COX7B2: variants seen among roughly 807,000 people sequenced by gnomAD.
COX7B2 encodes the protein cytochrome c oxidase subunit 7B2, also known as cytochrome c oxidase subunit 7B2, mitochondrial.
For synonymous variants in COX7B2, 37 were observed against 32.1 expected, an observed-to-expected ratio of 1.15 and a Z score of -0.51; for missense variants, 109 against 95.9, an observed-to-expected ratio of 1.14 and a Z score of -0.57.
intron 1 of COX7B2, among the ~76,000 whole-genome samples, chr4:46,894,143 C>A (rs184033805): frequency 2.6e-5 from 4 of 152,250 alleles, no homozygotes; most frequent in Admixed American, 6.5e-5. Context: ...CAATGTTCTT[C>A]ACAGAACTAG....
intron 2 of COX7B2, among the ~76,000 whole-genome samples, chr4:46,759,100 T>A (rs1188766851): frequency 6.6e-6 from 1 of 152,026 alleles, no homozygotes; most frequent in Non-Finnish European, 1.5e-5. Context: ...TCTAGACCCA[T>A]AGAATTAAAT....
chr4:46,755,667 G>A (rs540770443), intron 2 of COX7B2, among the ~76,000 whole-genome samples: 1 of 152,028 alleles, frequency 6.6e-6, no homozygotes, highest in South Asian at 2.1e-4. Flanking sequence ...TTCTATACAC[G>A]AATAATAATC....
intron 2 of COX7B2, among the ~76,000 whole-genome samples, chr4:46,776,343 A>G (rs1411345465): frequency 6.6e-6 from 1 of 151,650 alleles, no homozygotes; most frequent in Non-Finnish European, 1.5e-5. Flanking sequence ...ACTATATCCT[A>G]ATGGCCATAA....
chr4:46,739,388 T>C (rs955437791), intron 2 of COX7B2, among the ~76,000 whole-genome samples: 11 of 152,086 alleles, frequency 7.2e-5, no homozygotes, highest in African/African-American at 2.4e-4. Context: ...TTACCAGAGA[T>C]GGCTCTTTAA....
chr4:46,824,593 T>C (rs1230264499), intron 2 of COX7B2, among the ~76,000 whole-genome samples: 1 of 150,150 alleles, frequency 6.7e-6, no homozygotes, highest in Non-Finnish European at 1.5e-5. Flanking sequence ...TACTCAAAAA[T>C]GAAGTTCAAC....
intron 1 of COX7B2, among the ~76,000 whole-genome samples, chr4:46,880,559 G>A (rs1718651658): frequency 6.6e-6 from 1 of 151,406 alleles, no homozygotes; most frequent in African/African-American, 2.4e-5. Context: ...ATCTCTTCTA[G>A]GTTTTCTAGT....
chr4:46,892,361 A>T (rs2109873776), intron 1 of COX7B2, among the ~76,000 whole-genome samples: 1 of 152,330 alleles, frequency 6.6e-6, no homozygotes, highest in East Asian at 1.9e-4. Flanking sequence ...ACATGTTTTG[A>T]ATCACTGTCA....
intron 1 of COX7B2, among the ~76,000 whole-genome samples, chr4:46,901,125 T>C (rs1325026120): frequency 6.6e-6 from 1 of 152,220 alleles, no homozygotes; most frequent in Non-Finnish European, 1.5e-5. Flanking sequence ...AGAAAAAGCA[T>C]ATGTAACATT....
intron 2 of COX7B2, among the ~76,000 whole-genome samples, chr4:46,812,563 C>G (rs1054886830): frequency 1.3e-5 from 2 of 152,014 alleles, no homozygotes; most frequent in South Asian, 4.1e-4. Context: ...GGTATAGCAG[C>G]AAGGATGTAA....
chr4:46,888,698 G>A (rs1314480989), intron 1 of COX7B2, among the ~76,000 whole-genome samples: 3 of 152,054 alleles, frequency 2.0e-5, no homozygotes, highest in South Asian at 2.1e-4. Context: ...CTCCCGCCTC[G>A]GCCTCCCAAG....
At chr4:46,797,092 T>TAAAAAAAAAAA (rs762801656) in intron 2 of COX7B2, among the ~76,000 whole-genome samples, 5 of 62,560 alleles carry the variant, frequency 8.0e-5, no homozygotes, top group African/African-American at 1.8e-4. Context: ...TAGAGTATAA[T>TAAAAAAAAAAA]AAAAAAAAAA....
chr4:46,817,191 T>C (rs1719599235), intron 2 of COX7B2, among the ~76,000 whole-genome samples: 1 of 152,234 alleles, frequency 6.6e-6, no homozygotes, highest in Admixed American at 6.5e-5. Context: ...GGTTGAACTG[T>C]GTATGCATGG....
rs1004048021 is a variant in COX7B2 at position 46,748,508 on chromosome 4, T to C, written c.-49-13267A>G. 2.6e-5 allele frequency among the ~76,000 whole-genome samples: 4 copies of C among 152,246 alleles called. No homozygotes were observed. In the East Asian group the frequency reaches 5.8e-4, roughly 22 times the overall value. The stretch of plus-strand genomic sequence containing the variant: ...AAAGGAATCCAGGTTCAGACAACTA[T>C]TCAAAAAACCTTGGCCATTTCCTGA... On this transcript the variant is annotated intron_variant, in intron 2 of 2. Coordinates refer to ENST00000355591, the MANE Select transcript of COX7B2 (RefSeq NM_130902.3).
At chr4:46,801,194 A>T (rs913709409) in intron 2 of COX7B2, among the ~76,000 whole-genome samples, 2 of 152,156 alleles carry the variant, frequency 1.3e-5, no homozygotes, top group South Asian at 2.1e-4. Context: ...TTCCCAAAGA[A>T]CTTAGAACTA....
chr4:46,815,175 CAA>C (rs760743513), intron 2 of COX7B2, among the ~76,000 whole-genome samples: 24 of 74,988 alleles, frequency 3.2e-4, no homozygotes, highest in Middle Eastern at 0.01. Flanking sequence ...GACTCTGTCT[CAA>C]AAAAAAAAAA....
chr4:46,857,994 A>G (rs1351010969), intron 1 of COX7B2, among the ~76,000 whole-genome samples: 1 of 152,114 alleles, frequency 6.6e-6, no homozygotes, highest in Non-Finnish European at 1.5e-5. Context: ...TTGTTTAACT[A>G]CTCGAAGCTG....
chr4:46,742,150 G>A (rs1289620179), intron 2 of COX7B2, among the ~76,000 whole-genome samples: 1 of 152,070 alleles, frequency 6.6e-6, no homozygotes, highest in African/African-American at 2.4e-5. Context: ...GAAACATTTG[G>A]TAGCATTTAA....
chr4:46,869,686 G>A (rs1717870120), intron 1 of COX7B2, among the ~76,000 whole-genome samples: 2 of 151,960 alleles, frequency 1.3e-5, no homozygotes, highest in Admixed American at 1.3e-4. Context: ...CTTTAATAAT[G>A]TTGAATATAG....
At chr4:46,778,324 C>T (rs1284461853) in intron 2 of COX7B2, among the ~76,000 whole-genome samples, 4 of 152,112 alleles carry the variant, frequency 2.6e-5, no homozygotes, top group Admixed American at 6.6e-5. Context: ...GTCTCCTATA[C>T]TCATTAATTT....
Sources: allele counts gnomAD v4.1 joint callset (sites outside exome capture counted in the v4.1 genomes callset), GRCh38; gene constraint gnomAD v4.1.1; transcripts MANE v1.5; gene names NCBI Gene and HGNC (gene_info 2026-07-23, HGNC 2026-07-21).